Variants in KCNMA1 observed in about 807,000 individuals in gnomAD.
KCNMA1 encodes Calcium-activated potassium channel subunit alpha-1.
A neutral mutation model predicts 140.0 loss-of-function variants in KCNMA1; 29 were observed. The ratio of observed to expected loss-of-function variants is 0.21; its 90% CI spans 0.15 to 0.28. The LOEUF (loss-of-function observed/expected upper bound fraction) is 0.28. Among genes scored for constraint, KCNMA1 ranks in the 10% least tolerant of loss-of-function variants. KCNMA1 has a pLI of 1.00. For missense variants in KCNMA1, 880 were observed against 1,602.2 expected, an observed-to-expected ratio of 0.55 and a Z score of 7.70; for synonymous variants, 612 against 611.9, an observed-to-expected ratio of 1.00 and a Z score of 0.00.
intron 24 of KCNMA1, chr10:76,912,260 C>G (rs2050644699): frequency 6.6e-6 from 1 of 152,236 alleles, no homozygotes; most frequent in Admixed American, 6.5e-5. Context: ...AGCTGTAACA[C>G]AGTCCTTTCT....
At chr10:76,969,020 A>G (rs946674778) in intron 20 of KCNMA1, among the ~76,000 whole-genome samples, 3 of 152,174 alleles carry the variant, frequency 2.0e-5, no homozygotes, top group Non-Finnish European at 4.4e-5. Flanking sequence ...CAGAAACCAC[A>G]TAGGGTGAGC....
intron 2 of KCNMA1, among the ~76,000 whole-genome samples, chr10:77,292,662 C>T (rs1488960972): frequency 6.6e-6 from 1 of 152,190 alleles, no homozygotes; most frequent in Non-Finnish European, 1.5e-5. Flanking sequence ...CTCTTGTCAA[C>T]CTCCGGGTTG....
At chr10:77,281,715 T>TG (rs2068662209) in intron 2 of KCNMA1, among the ~76,000 whole-genome samples, 1 of 152,202 alleles carries the variant, frequency 6.6e-6, no homozygotes, top group Admixed American at 6.5e-5. Flanking sequence ...TAAAAAGGAA[T>TG]GAACTACTGA....
chr10:77,494,070 G>A (rs917038963), intron 1 of KCNMA1: 1 of 152,184 alleles, frequency 6.6e-6, no homozygotes, highest in Non-Finnish European at 1.5e-5. Context: ...CATATAAAGG[G>A]GATAGAATCA....
At chr10:76,975,324 C>A (rs1196482287) in intron 19 of KCNMA1, 1 of 152,210 alleles carries the variant, frequency 6.6e-6, no homozygotes, top group African/African-American at 2.4e-5. Flanking sequence ...CAAAGTCTTA[C>A]GGCATGGCCA....
intron 14 of KCNMA1, among the ~76,000 whole-genome samples, chr10:77,067,850 C>T (rs1238613741): frequency 6.6e-6 from 1 of 152,202 alleles, no homozygotes; most frequent in Non-Finnish European, 1.5e-5. Flanking sequence ...CTGAAGCTTA[C>T]CAGAGCTTCC....
intron 2 of KCNMA1, among the ~76,000 whole-genome samples, chr10:77,392,819 G>A (rs1401733300): frequency 6.6e-6 from 1 of 152,334 alleles, no homozygotes; most frequent in East Asian, 1.9e-4. Context: ...AAATACTGGT[G>A]CAGATGTGCC....
rs541035650 is a variant in KCNMA1 at position 77,247,465 on chromosome 10, G to C, written c.602+3730C>G. On this transcript the variant is annotated intron_variant, in intron 3 of 27. Coordinates refer to ENST00000286628, the MANE Select transcript of KCNMA1 (RefSeq NM_001161352.2). ...GATGGAAGCAGCAATGGTGACATTA[G>C]CACCCACAGGGCGTCTGCAGGCACT... 1.3e-4 allele frequency among the ~76,000 whole-genome samples: 20 copies of C among 152,282 alleles called. No homozygotes were observed. The East Asian group carries it at 2.9e-3, about 22-fold the overall frequency.
downstream of KCNMA1, among the ~76,000 whole-genome samples, chr10:76,881,489 G>A (rs2034639427): frequency 6.6e-6 from 1 of 152,166 alleles, no homozygotes; most frequent in South Asian, 2.1e-4. Context: ...ACAGACTCTA[G>A]TGTCTCTCAG....
chr10:77,451,190 A>G lies in KCNMA1; in HGVS notation c.379-47167T>C, dbSNP rs189362875. Among the ~76,000 whole-genome samples, 158 of 152,312 alleles carry G rather than the reference A, an allele frequency of 1.0e-3. 1 individual carries two copies. The highest frequency in any genetic ancestry group is 3.7e-3 in the African/African-American group (153 of 41,568). The stretch of plus-strand genomic sequence containing the variant: ...AGCCTAGAGCCTCAGCTGAAGCCAC[A>G]GCCCTCAGCCCTGGACCCCTGAGAT... On this transcript the variant is annotated intron_variant, in intron 1 of 27. Transcript: ENST00000286628.
At chr10:77,580,926 A>G (rs1332614504) in intron 1 of KCNMA1, among the ~76,000 whole-genome samples, 1 of 152,202 alleles carries the variant, frequency 6.6e-6, no homozygotes, top group Non-Finnish European at 1.5e-5. Flanking sequence ...CAACAAGCCT[A>G]TGGGAAATAT....
chr10:77,305,890 T>TG (rs2077582079), intron 2 of KCNMA1, among the ~76,000 whole-genome samples: 1 of 152,186 alleles, frequency 6.6e-6, no homozygotes, highest in African/African-American at 2.4e-5. Flanking sequence ...GCCCATAAAA[T>TG]GACATCATGG....
intron 1 of KCNMA1, among the ~76,000 whole-genome samples, chr10:77,414,485 T>TTTTTTTC (rs1201067254): frequency 1.3e-5 from 2 of 152,126 alleles, no homozygotes; most frequent in Non-Finnish European, 2.9e-5. Context: ...ATGTTTTTTC[T>TTTTTTTC]TTTTTTCTTT....
intron 1 of KCNMA1, among the ~76,000 whole-genome samples, chr10:77,495,374 G>A (rs1476420290): frequency 6.6e-6 from 1 of 152,084 alleles, no homozygotes; most frequent in South Asian, 2.1e-4. Context: ...TCCGCATCAG[G>A]CTGCCACACC....
At chr10:77,143,066 T>A (rs1293538000) in intron 5 of KCNMA1, among the ~76,000 whole-genome samples, 1 of 152,140 alleles carries the variant, frequency 6.6e-6, no homozygotes, top group Non-Finnish European at 1.5e-5. Context: ...CCAACTTGAT[T>A]TATAATGCCA....
chr10:77,316,033 G>A (rs986759859), intron 2 of KCNMA1, among the ~76,000 whole-genome samples: 1 of 152,158 alleles, frequency 6.6e-6, no homozygotes, highest in African/African-American at 2.4e-5. Flanking sequence ...GGATTCAGAA[G>A]AGCAATGCTT....
chr10:77,499,422 T>TAC (rs1288964964), intron 1 of KCNMA1, among the ~76,000 whole-genome samples: 98 of 105,672 alleles, frequency 9.3e-4, no homozygotes, highest in African/African-American at 2.7e-3. Flanking sequence ...TATATATATA[T>TAC]ACACACACAC....
At chr10:77,382,980 GTGTGTGTGTGTGTGTATATATATA>G (rs1364835539) in intron 2 of KCNMA1, among the ~76,000 whole-genome samples, 19 of 72,998 alleles carry the variant, frequency 2.6e-4, no homozygotes, top group African/African-American at 7.7e-4. Flanking sequence ...GTGTGTGTGT[GTGTGTGTGTGTGTGTATATATATA>G]TATATATATA....
chr10:77,365,230 A>T (rs2094270196), intron 2 of KCNMA1, among the ~76,000 whole-genome samples: 1 of 152,078 alleles, frequency 6.6e-6, no homozygotes, highest in South Asian at 2.1e-4. Flanking sequence ...CTAGCACCCC[A>T]CCCTAGGAAA....
Sources: allele counts gnomAD v4.1 joint callset (sites outside exome capture counted in the v4.1 genomes callset), GRCh38; gene constraint gnomAD v4.1.1; transcripts MANE v1.5; gene names NCBI Gene and HGNC (gene_info 2026-07-23, HGNC 2026-07-21).